The following PDE1A variants were observed in gnomAD, a reference collection of about 807,000 sequenced individuals.
PDE1A encodes the protein phosphodiesterase 1A.
Under a neutral mutation model 61.7 loss-of-function variants are expected in PDE1A, and 35 were observed. The ratio of observed to expected loss-of-function variants is 0.57; its 90% CI spans 0.43 to 0.75. PDE1A has a LOEUF of 0.75. Among genes scored for constraint, PDE1A ranks in the 30% least tolerant of loss-of-function variants. The probability of loss-of-function intolerance (pLI) is 0.00; values close to 1 mark genes in which losing one functional copy is unlikely to be tolerated. For missense variants in PDE1A, 597 were observed against 630.6 expected, an observed-to-expected ratio of 0.95 and a Z score of 0.57; for synonymous variants, 232 against 213.2, an observed-to-expected ratio of 1.09 and a Z score of -0.77.
At chr2:182,267,741 C>G (rs1386210915) in intron 1 of PDE1A, among the ~76,000 whole-genome samples, 1 of 151,864 alleles carries the variant, frequency 6.6e-6, no homozygotes, top group Non-Finnish European at 1.5e-5. Flanking sequence ...ATTATATATA[C>G]AACAATCCTC....
intron 1 of PDE1A, among the ~76,000 whole-genome samples, chr2:182,400,419 G>C (rs185933823): frequency 7.2e-4 from 109 of 152,234 alleles, no homozygotes; most frequent in Non-Finnish European, 8.2e-4. Context: ...ATCCTTTATG[G>C]ATAATTCTCC....
At chr2:182,142,016 G>A (rs954290622) in exon 15 of PDE1A, 6 of 152,108 alleles carry the variant, frequency 3.9e-5, no homozygotes, top group Non-Finnish European at 5.9e-5. Context: ...AGGAAGCAGG[G>A]CCTCTGAGGG....
At chr2:182,199,682 C>T (rs11898512) in intron 10 of PDE1A, among the ~76,000 whole-genome samples, 4,703 of 151,994 alleles carry the variant, frequency 0.031, 238 homozygotes, top group African/African-American at 0.11. Flanking sequence ...AAGCAGTTGA[C>T]CTTTAGAATT....
intron 1 of PDE1A, among the ~76,000 whole-genome samples, chr2:182,288,565 T>C (rs1298352583): frequency 2.6e-5 from 4 of 152,104 alleles, no homozygotes; most frequent in African/African-American, 9.7e-5. Context: ...TGGCCAGCAA[T>C]TCAATACTTG....
At chr2:182,621,643 G>A in the PDE1A span, among the ~76,000 whole-genome samples, 1 of 151,568 alleles carries the variant, frequency 6.6e-6, no homozygotes, top group Non-Finnish European at 1.5e-5. Flanking sequence ...CCCTTTGAAT[G>A]TGTTGTCATA....
intron 1 of PDE1A, among the ~76,000 whole-genome samples, chr2:182,391,896 TG>T (rs1290578035): frequency 6.6e-6 from 1 of 152,152 alleles, no homozygotes; most frequent in Non-Finnish European, 1.5e-5. Flanking sequence ...CCAGGCTGAA[TG>T]GACAAAAAAC....
At chr2:182,351,991 CA>C (rs1416463168) in intron 1 of PDE1A, among the ~76,000 whole-genome samples, 13 of 152,126 alleles carry the variant, frequency 8.5e-5, no homozygotes, top group African/African-American at 3.1e-4. Context: ...TCATGCATGT[CA>C]AAACATTTGT....
chr2:182,517,611 G>A (rs954090525), intron 2 of PDE1A, among the ~76,000 whole-genome samples: 1 of 152,182 alleles, frequency 6.6e-6, no homozygotes, highest in Non-Finnish European at 1.5e-5. Flanking sequence ...GTTACGAGAA[G>A]AGAAATACAG....
chr2:182,310,858 T>C (rs1055582816), intron 1 of PDE1A, among the ~76,000 whole-genome samples: 1 of 152,216 alleles, frequency 6.6e-6, no homozygotes, highest in African/African-American at 2.4e-5. Flanking sequence ...AACAAGGCCA[T>C]GTGACCATGT....
chr2:182,398,217 T>C (rs1701815170), intron 1 of PDE1A, among the ~76,000 whole-genome samples: 1 of 151,108 alleles, frequency 6.6e-6, no homozygotes. Context: ...CAGTCTTGAA[T>C]TATGATCACT....
chr2:182,715,593 T>C, the PDE1A span, among the ~76,000 whole-genome samples: 1 of 152,212 alleles, frequency 6.6e-6, no homozygotes, highest in South Asian at 2.1e-4. Context: ...ATTGTTATAT[T>C]GCTGTGGGAC....
chr2:182,662,901 G>A, the PDE1A span, among the ~76,000 whole-genome samples: 1 of 152,128 alleles, frequency 6.6e-6, no homozygotes, highest in East Asian at 1.9e-4. Flanking sequence ...ACAACCTAGA[G>A]AATGGGAGAA....
chr2:182,141,019 A>G (rs945632832), exon 15 of PDE1A: 2 of 151,860 alleles, frequency 1.3e-5, no homozygotes, highest in Non-Finnish European at 2.9e-5. Context: ...ATAACCTGGA[A>G]AATTAGGTTA....
chr2:182,490,641 G>A (rs1688323023), intron 2 of PDE1A, among the ~76,000 whole-genome samples: 1 of 152,174 alleles, frequency 6.6e-6, no homozygotes, highest in South Asian at 2.1e-4. Context: ...CCAAAGTGCT[G>A]GGATTACAGG....
chr2:182,341,597 T>C (rs1698187603), intron 1 of PDE1A, among the ~76,000 whole-genome samples: 1 of 152,170 alleles, frequency 6.6e-6, no homozygotes, highest in African/African-American at 2.4e-5. Flanking sequence ...CAGTTTTATC[T>C]TATCCATCAC....
At chr2:182,569,637 C>T in the PDE1A span, among the ~76,000 whole-genome samples, 4 of 152,276 alleles carry the variant, frequency 2.6e-5, no homozygotes, top group Admixed American at 2.6e-4. Flanking sequence ...CTTTGATTAA[C>T]CTGGTTTCAA....
At chr2:182,331,925 T>A (rs1290599638) in intron 1 of PDE1A, among the ~76,000 whole-genome samples, 3 of 152,218 alleles carry the variant, frequency 2.0e-5, no homozygotes, top group Admixed American at 2.0e-4. Context: ...TTCTCCTGGA[T>A]AATAACCTGA....
intron 10 of PDE1A, among the ~76,000 whole-genome samples, chr2:182,194,236 T>C (rs537260510): frequency 1.6e-4 from 24 of 152,264 alleles, no homozygotes; most frequent in African/African-American, 5.5e-4. Context: ...TAGTTTAAAA[T>C]ACAAACACAT....
rs188736421 is a variant in PDE1A at position 182,362,190 on chromosome 2, T to C, written c.53+64388A>G. The stretch of plus-strand genomic sequence containing the variant: ...ATTAGCAAGAAGAACATGTATTCAT[T>C]CTGCAAATCAATCCAGAAGACCAAT... On this transcript the variant is annotated intron_variant, in intron 1 of 13. Coordinates refer to ENST00000351439, the Ensembl canonical transcript of PDE1A. Among the ~76,000 whole-genome samples the C allele has an allele frequency of 3.9e-5, 6 of 152,090 alleles. No homozygotes were observed. In the East Asian group the frequency reaches 9.7e-4, roughly 24 times the overall value.
Sources: gnomAD v4.1 joint callset for allele counts (sites outside exome capture counted in the v4.1 genomes callset) on GRCh38, gnomAD v4.1.1 for gene constraint, MANE v1.5 for transcripts, NCBI Gene and HGNC (gene_info 2026-07-23, HGNC 2026-07-21) for gene names.